LUZP2: variants seen among roughly 807,000 people sequenced by gnomAD.
LUZP2 encodes leucine zipper protein 2.
A neutral mutation model predicts 51.6 loss-of-function variants in LUZP2; 52 were observed. That is an observed-to-expected ratio of 1.01 (90% CI 0.81 to 1.27). The LOEUF (loss-of-function observed/expected upper bound fraction) is 1.27, where lower values mean the gene tolerates loss of function less well. Ranked by LOEUF, LUZP2 falls within the 50% of genes most tolerant of loss-of-function variation. LUZP2 has a pLI of 0.00. For missense variants in LUZP2, 436 were observed against 395.4 expected (o/e 1.10, Z -0.87); for synonymous variants, 154 against 137.3 (o/e 1.12, Z -0.85).
At chr11:24,949,288 TTATCTATCTATCTATCTATC>T (rs201078923) in intron 7 of LUZP2, among the ~76,000 whole-genome samples, 6 of 141,188 alleles carry the variant, frequency 4.2e-5, no homozygotes, top group African/African-American at 1.6e-4. Flanking sequence ...ATTATCTAGA[TTATCTATCTATCTATCTATC>T]TATCTATCTA....
chr11:24,616,853 G>A (rs1854305686), intron 1 of LUZP2, among the ~76,000 whole-genome samples: 1 of 152,056 alleles, frequency 6.6e-6, no homozygotes, highest in African/African-American at 2.4e-5. Context: ...TAGGAATTTT[G>A]TTAAATCTGT....
At chr11:24,631,766 GTTC>G (rs144292613) in intron 1 of LUZP2, among the ~76,000 whole-genome samples, 30,261 of 151,670 alleles carry the variant, frequency 0.2, 3,208 homozygotes, top group Middle Eastern at 0.28. Flanking sequence ...CTTGGAATTA[GTTC>G]TTCTTTGTAT....
intron 1 of LUZP2, among the ~76,000 whole-genome samples, chr11:24,727,243 C>T (rs568540000): frequency 1.2e-4 from 18 of 152,068 alleles, no homozygotes; most frequent in Non-Finnish European, 2.4e-4. Context: ...TCTTGAAGGA[C>T]GCAATGAACA....
chr11:24,648,613 C>A (rs1352650222), intron 1 of LUZP2, among the ~76,000 whole-genome samples: 4 of 151,878 alleles, frequency 2.6e-5, no homozygotes, highest in African/African-American at 9.7e-5. Flanking sequence ...TAAGCCACTG[C>A]ACATGAATGA....
At chr11:24,801,475 T>G (rs1160597736) in intron 5 of LUZP2, among the ~76,000 whole-genome samples, 1 of 151,990 alleles carries the variant, frequency 6.6e-6, no homozygotes, top group Non-Finnish European at 1.5e-5. Context: ...TACTATAATA[T>G]TATGAAATAC....
intron 6 of LUZP2, among the ~76,000 whole-genome samples, chr11:24,908,164 A>C (rs1193729029): frequency 2.0e-5 from 3 of 152,164 alleles, no homozygotes; most frequent in Non-Finnish European, 4.4e-5. Context: ...AGTGACCCTC[A>C]ACTGTCAGTA....
At chr11:24,825,065 CTATGTG>C (rs1207649861) in intron 5 of LUZP2, among the ~76,000 whole-genome samples, 2 of 151,936 alleles carry the variant, frequency 1.3e-5, no homozygotes, top group African/African-American at 4.8e-5. Context: ...TGTGTGTACA[CTATGTG>C]TAAACACACC....
intron 9 of LUZP2, among the ~76,000 whole-genome samples, chr11:25,011,348 G>A (rs892761283): frequency 6.6e-6 from 1 of 152,066 alleles, no homozygotes; most frequent in Non-Finnish European, 1.5e-5. Flanking sequence ...GTGACAGCAT[G>A]GCTTTGAACT....
In LUZP2 at chr11:24,948,098, A is replaced by G. The variant is rs562059916; in HGVS notation, c.523-28493A>G. Among the ~76,000 whole-genome samples the G allele has an allele frequency of 4.6e-5, 7 of 151,484 alleles. No homozygotes were observed. In the South Asian group the frequency reaches 8.3e-4, roughly 18 times the overall value. ...GTGTCCCACATTTGAGGCATTGCTT[A>G]TTTTTCTTAATTCTTTTTTCTCTGT... On this transcript the variant is annotated intron_variant, in intron 7 of 11. Coordinates refer to ENST00000336930, the MANE Select transcript of LUZP2 (RefSeq NM_001009909.4).
chr11:24,699,145 C>T (rs919808696), intron 1 of LUZP2, among the ~76,000 whole-genome samples: 1 of 150,728 alleles, frequency 6.6e-6, no homozygotes, highest in African/African-American at 2.4e-5. Context: ...ATAACTCTCT[C>T]TATTCATTTG....
At chr11:24,741,108 T>A (rs1026815905) in intron 4 of LUZP2, among the ~76,000 whole-genome samples, 17 of 152,202 alleles carry the variant, frequency 1.1e-4, no homozygotes, top group South Asian at 8.3e-4. Flanking sequence ...ATGTTCTATT[T>A]CCTCAACTCT....
At chr11:24,956,434 T>C (rs1855212055) in intron 7 of LUZP2, among the ~76,000 whole-genome samples, 1 of 152,098 alleles carries the variant, frequency 6.6e-6, no homozygotes, top group South Asian at 2.1e-4. Flanking sequence ...GCCACTAAGC[T>C]TGATGATTTG....
chr11:24,662,297 A>G (rs1856050413), intron 1 of LUZP2, among the ~76,000 whole-genome samples: 1 of 152,170 alleles, frequency 6.6e-6, no homozygotes, highest in African/African-American at 2.4e-5. Flanking sequence ...AAAATCAACA[A>G]TTGTAGACCA....
intron 8 of LUZP2, among the ~76,000 whole-genome samples, chr11:24,979,273 C>T (rs1481288569): frequency 1.3e-5 from 2 of 151,688 alleles, no homozygotes; most frequent in African/African-American, 4.8e-5. Flanking sequence ...CTTTTAGTAA[C>T]TATAAATGCC....
Position 24,611,637 on chromosome 11 carries a change from TTCA to T in LUZP2, c.62+114335_62+114337del, listed in dbSNP as rs1204496033. On this transcript the variant is annotated intron_variant, in intron 1 of 11. Transcript: ENST00000336930. The surrounding 1 kb of genome is among the most constrained non-coding windows in gnomAD (Gnocchi z 4.6). ...GAGATGGTTTTCTTCATCATAATCA[TTCA>T]TCGTCATCATCATCATCATCCCTGG... 1.3e-5 allele frequency among the ~76,000 whole-genome samples: 2 copies of T among 152,104 alleles called. No homozygotes were observed. The highest frequency in any genetic ancestry group is 1.3e-4 in the Admixed American group (2 of 15,252).
intron 7 of LUZP2, among the ~76,000 whole-genome samples, chr11:24,933,079 C>A (rs1193986111): frequency 6.6e-6 from 1 of 152,200 alleles, no homozygotes; most frequent in Non-Finnish European, 1.5e-5. Context: ...CTCCCATGAT[C>A]TGGACGTTCA....
At chr11:24,975,926 G>C (rs1855869612) in intron 7 of LUZP2, among the ~76,000 whole-genome samples, 1 of 151,918 alleles carries the variant, frequency 6.6e-6, no homozygotes, top group Non-Finnish European at 1.5e-5. Flanking sequence ...CCATCGACTA[G>C]TGTAAAAATA....
In LUZP2 at chr11:24,983,111, C is replaced by G. The variant is rs1199127661; in HGVS notation, c.598-15C>G. On this transcript the variant is annotated splice_polypyrimidine_tract_variant and intron_variant, in intron 8 of 11. Coordinates refer to ENST00000336930, the MANE Select transcript of LUZP2 (RefSeq NM_001009909.4). ...ATAGCTAAATGTAAATATGTTAATG[C>G]CTCTTTTTTTGTAGGAGTCACAGAT... 1.2e-6 allele frequency: 2 copies of G among 1,609,064 alleles called. No homozygotes were observed. The highest frequency in any genetic ancestry group is 1.7e-5 in the Admixed American group (1 of 59,452).
intron 1 of LUZP2, among the ~76,000 whole-genome samples, chr11:24,523,586 T>C (rs1850712251): frequency 6.6e-6 from 1 of 150,946 alleles, no homozygotes; most frequent in Admixed American, 6.6e-5. Flanking sequence ...TTGGTAATGG[T>C]TCTCATTTTG....
Sources: allele counts gnomAD v4.1 joint callset (sites outside exome capture counted in the v4.1 genomes callset), GRCh38; gene constraint gnomAD v4.1.1; non-coding constraint Gnocchi (gnomAD v3.1); transcripts MANE v1.5; gene names NCBI Gene and HGNC (gene_info 2026-07-23, HGNC 2026-07-21).